OR3A2: variants seen among roughly 807,000 people sequenced by gnomAD.
OR3A2 encodes the protein olfactory receptor 3A2.
For missense variants in OR3A2, 318 were observed against 392.8 expected (o/e 0.81, Z 1.61); for synonymous variants, 126 against 159.3 (o/e 0.79, Z 1.57).
chr17:3,372,745 G>T (rs952273945), intron 2 of OR3A2, among the ~76,000 whole-genome samples: 1 of 151,750 alleles, frequency 6.6e-6, no homozygotes, highest in Non-Finnish European at 1.5e-5. Context: ...AATCAGGCAG[G>T]GAGGTTGCAG....
intron 2 of OR3A2, among the ~76,000 whole-genome samples, chr17:3,362,095 C>G (rs1286310996): frequency 6.6e-6 from 1 of 151,530 alleles, no homozygotes; most frequent in Non-Finnish European, 1.5e-5. Context: ...AATTTCAGAG[C>G]CTGTTATTGG....
intron 2 of OR3A2, among the ~76,000 whole-genome samples, chr17:3,341,613 G>C (rs551751714): frequency 3.5e-4 from 54 of 152,290 alleles, no homozygotes; most frequent in South Asian, 6.2e-4. Context: ...CTGGCTTGTA[G>C]AGTTTCTGCT....
At chr17:3,361,062 C>T (rs906328315) in intron 2 of OR3A2, among the ~76,000 whole-genome samples, 1 of 151,530 alleles carries the variant, frequency 6.6e-6, no homozygotes, top group Non-Finnish European at 1.5e-5. Context: ...ATGGAATGTT[C>T]TTCCATTTGT....
chr17:3,299,922 C>A (rs566195004), intron 3 of OR3A2, among the ~76,000 whole-genome samples: 2 of 152,104 alleles, frequency 1.3e-5, no homozygotes, highest in Admixed American at 6.5e-5. Context: ...AAATGGCAAT[C>A]ATTAATATTT....
At chr17:3,295,437 A>G (rs2048911582) in intron 3 of OR3A2, among the ~76,000 whole-genome samples, 1 of 152,114 alleles carries the variant, frequency 6.6e-6, no homozygotes, top group African/African-American at 2.4e-5. Context: ...ACACAAAGTT[A>G]CAGTTATAAA....
upstream of OR3A2, among the ~76,000 whole-genome samples, chr17:3,289,153 A>C (rs2048841542): frequency 6.6e-6 from 1 of 152,208 alleles, no homozygotes; most frequent in South Asian, 2.1e-4. Context: ...ACATGAAACT[A>C]TTAACAGTAG....
chr17:3,340,939 C>T (rs12603696), intron 2 of OR3A2, among the ~76,000 whole-genome samples: 13,111 of 151,718 alleles, frequency 0.086, 1,083 homozygotes, highest in East Asian at 0.49. Context: ...CTTTATGAAT[C>T]TGGGTGCTCC....
At chr17:3,341,253 T>G (rs540801840) in intron 2 of OR3A2, among the ~76,000 whole-genome samples, 3 of 139,678 alleles carry the variant, frequency 2.1e-5, no homozygotes, top group Non-Finnish European at 3.0e-5. Context: ...ATTGGGGCAT[T>G]TAGCTCATTT....
chr17:3,332,547 C>G (rs1031316665), intron 3 of OR3A2, among the ~76,000 whole-genome samples: 4 of 152,214 alleles, frequency 2.6e-5, no homozygotes, highest in African/African-American at 9.6e-5. Flanking sequence ...CAATGCCTCG[C>G]CCTGCTTCAG....
intron 2 of OR3A2, among the ~76,000 whole-genome samples, chr17:3,368,750 T>C (rs2049585195): frequency 6.6e-6 from 1 of 152,182 alleles, no homozygotes; most frequent in African/African-American, 2.4e-5. Flanking sequence ...AATTTTAGGA[T>C]TGTTTTTTCT....
intron 2 of OR3A2, among the ~76,000 whole-genome samples, chr17:3,337,780 G>T (rs1002563898): frequency 6.6e-6 from 1 of 152,156 alleles, no homozygotes; most frequent in Non-Finnish European, 1.5e-5. Context: ...AGTCCTTGGG[G>T]TATATACCCA....
At position 3,346,858 on chromosome 17, in the gene OR3A2, A is replaced by T. The variant is rs145195316; in HGVS notation, c.-178-10732T>A. 2.3e-3 allele frequency among the ~76,000 whole-genome samples: 355 copies of T among 152,310 alleles called. 2 individuals carry two copies. Among genetic ancestry groups the T allele is most frequent in the Admixed American group, 4.4e-3 (68 of 15,290 alleles). On this transcript the variant is annotated intron_variant, in intron 2 of 4. Transcript: ENST00000573491. Reference sequence around the variant, plus strand: ...CCTCCAGTTCCATCCATGTTTTTGCAAATGACTGACTCTCATTTTTTATGG... The same window carrying T: ...CCTCCAGTTCCATCCATGTTTTTGCTAATGACTGACTCTCATTTTTTATGG...
chr17:3,350,601 G>T (rs1024333791), intron 2 of OR3A2, among the ~76,000 whole-genome samples: 2 of 150,092 alleles, frequency 1.3e-5, no homozygotes, highest in African/African-American at 4.9e-5. Flanking sequence ...TTCTACCAGA[G>T]GTACAAGGAG....
intron 2 of OR3A2, among the ~76,000 whole-genome samples, chr17:3,352,648 T>C (rs550514139): frequency 6.6e-6 from 1 of 152,174 alleles, no homozygotes; most frequent in African/African-American, 2.4e-5. Context: ...TTGGTTACTA[T>C]AGCTCTGTAG....
intron 3 of OR3A2, chr17:3,310,584 G>A (rs747682187): frequency 3.7e-5 from 20 of 537,454 alleles, no homozygotes; most frequent in African/African-American, 2.1e-4. Flanking sequence ...CATATCCAAC[G>A]ACAGAAGCAT....
chr17:3,324,150 C>T lies in OR3A2; in HGVS notation c.-85+11883G>A, dbSNP rs145334686. 4.5e-4 allele frequency among the ~76,000 whole-genome samples: 69 copies of T among 152,142 alleles called. 1 individual carries two copies. The highest frequency in any genetic ancestry group is 1.5e-3 in the African/African-American group (64 of 41,478). ...TACCCTTTCTTCCAGTTGATCGCAT[C>T]GGCTACTGAGGCTTCTGCATTCGTC... On this transcript the variant is annotated intron_variant, in intron 3 of 4. Coordinates refer to the OR3A2 transcript ENST00000573491.
chr17:3,301,993 ACTG>A (rs1161425578), intron 3 of OR3A2, among the ~76,000 whole-genome samples: 1 of 152,200 alleles, frequency 6.6e-6, no homozygotes, highest in Non-Finnish European at 1.5e-5. Flanking sequence ...CCCATTCACA[ACTG>A]CTTCAAAGAG....
chr17:3,320,854 C>T (rs191994373), intron 3 of OR3A2, among the ~76,000 whole-genome samples: 2,400 of 151,982 alleles, frequency 0.016, 59 homozygotes, highest in African/African-American at 0.055. Context: ...ATTGACTTGG[C>T]GGTGCGGGCT....
At chr17:3,339,047 C>A (rs908247408) in intron 2 of OR3A2, among the ~76,000 whole-genome samples, 1 of 152,128 alleles carries the variant, frequency 6.6e-6, no homozygotes, top group Non-Finnish European at 1.5e-5. Flanking sequence ...TTGGAGTTCA[C>A]TTATGATTTG....
Sources: allele counts gnomAD v4.1 joint callset (sites outside exome capture counted in the v4.1 genomes callset), GRCh38; gene constraint gnomAD v4.1.1; transcripts MANE v1.5; gene names NCBI Gene and HGNC (gene_info 2026-07-23, HGNC 2026-07-21).